The following RORA variants were observed in gnomAD, a reference collection of about 807,000 sequenced individuals.
RORA encodes the protein nuclear receptor ROR-alpha.
Under a neutral mutation model 69.5 loss-of-function variants are expected in RORA, and 7 were observed. The ratio of observed to expected loss-of-function variants is 0.10; its 90% CI spans 0.06 to 0.19. The LOEUF (loss-of-function observed/expected upper bound fraction) is 0.19. Ranked by LOEUF, RORA falls within the 10% of genes least tolerant of loss-of-function variation. The pLI, the probability that RORA is intolerant of heterozygous loss-of-function variation, is 1.00. For missense variants in RORA, 457 were observed against 663.0 expected (o/e 0.69, Z 3.41); for synonymous variants, 261 against 240.8 (o/e 1.08, Z -0.78).
chr15:61,074,979 C>A (rs925380622), intron 1 of RORA, among the ~76,000 whole-genome samples: 1 of 151,132 alleles, frequency 6.6e-6, no homozygotes, highest in Non-Finnish European at 1.5e-5. Context: ...ACCAGCTACT[C>A]GGGAGGCTGA....
At chr15:60,793,973 G>C (rs1033841799) in intron 1 of RORA, among the ~76,000 whole-genome samples, 1 of 152,190 alleles carries the variant, frequency 6.6e-6, no homozygotes, top group Non-Finnish European at 1.5e-5. Flanking sequence ...TCTAGAACGG[G>C]TTCTTTGAGG....
At chr15:60,819,000 C>A (rs565813356) in intron 1 of RORA, among the ~76,000 whole-genome samples, 9 of 152,184 alleles carry the variant, frequency 5.9e-5, no homozygotes, top group African/African-American at 9.7e-5. Flanking sequence ...TTAAAGCCTC[C>A]CTGACGATAA....
intron 1 of RORA, among the ~76,000 whole-genome samples, chr15:61,054,307 T>C (rs1481103544): frequency 1.5e-5 from 2 of 129,782 alleles, no homozygotes; most frequent in African/African-American, 2.6e-5. Flanking sequence ...AAAAGAACTT[T>C]CATTTTCTGA....
At chr15:60,592,382 C>T in intron 2 of RORA, 1 of 1,428,108 alleles carries the variant, frequency 7.0e-7, no homozygotes, top group Non-Finnish European at 9.2e-7. Context: ...GGCGCCCGGG[C>T]TCACCTTTCA....
chr15:60,817,732 G>A (rs2072837306), intron 1 of RORA, among the ~76,000 whole-genome samples: 2 of 152,138 alleles, frequency 1.3e-5, no homozygotes, highest in African/African-American at 4.8e-5. Flanking sequence ...CCCCTCTAGG[G>A]TGCACCCAAA....
chr15:60,786,213 T>C (rs748715272), intron 1 of RORA, among the ~76,000 whole-genome samples: 3 of 152,200 alleles, frequency 2.0e-5, no homozygotes, highest in Non-Finnish European at 4.4e-5. Context: ...GGATAGGATG[T>C]TCTACCTTGG....
At chr15:61,168,215 TGC>T (rs1491297948) in intron 1 of RORA, among the ~76,000 whole-genome samples, 6,772 of 143,448 alleles carry the variant, frequency 0.047, 306 homozygotes, top group African/African-American at 0.13. Flanking sequence ...CGTGCGTGCG[TGC>T]GTGTGTGTGT....
At chr15:60,639,225 T>TTA (rs1174182305) in intron 2 of RORA, among the ~76,000 whole-genome samples, 2 of 48,572 alleles carry the variant, frequency 4.1e-5, no homozygotes, top group African/African-American at 1.2e-4. Flanking sequence ...TTGTATTTTT[T>TTA]TTTTTTTTTT....
intron 1 of RORA, among the ~76,000 whole-genome samples, chr15:61,035,403 G>A (rs1043081958): frequency 8.0e-4 from 122 of 151,816 alleles, no homozygotes; most frequent in African/African-American, 2.9e-3. Context: ...TTAATCTAAC[G>A]ACAATAAAGA....
intron 1 of RORA, among the ~76,000 whole-genome samples, chr15:60,878,593 G>A (rs987793244): frequency 6.6e-6 from 1 of 152,178 alleles, no homozygotes; most frequent in African/African-American, 2.4e-5. Flanking sequence ...CATCCTCGGA[G>A]GTCACTCCTG....
intron 1 of RORA, among the ~76,000 whole-genome samples, chr15:60,851,318 C>A (rs539879873): frequency 6.6e-6 from 1 of 152,308 alleles, no homozygotes; most frequent in South Asian, 2.1e-4. Flanking sequence ...ATGTGTGGAT[C>A]CTGCCACCTT....
chr15:60,974,169 C>A (rs985743142), intron 1 of RORA, among the ~76,000 whole-genome samples: 14 of 152,182 alleles, frequency 9.2e-5, no homozygotes, highest in Non-Finnish European at 2.9e-5. Context: ...CCCCGTGGAA[C>A]CCACGTCAAG....
At chr15:60,830,588 G>A (rs1314039335) in intron 1 of RORA, among the ~76,000 whole-genome samples, 2 of 152,166 alleles carry the variant, frequency 1.3e-5, no homozygotes, top group African/African-American at 4.8e-5. Flanking sequence ...TTCTGTAACT[G>A]TCTTAGTGGC....
intron 1 of RORA, among the ~76,000 whole-genome samples, chr15:60,952,633 C>T (rs954326888): frequency 6.6e-5 from 10 of 152,166 alleles, no homozygotes; most frequent in African/African-American, 2.4e-4. Flanking sequence ...CAGAAGCATT[C>T]CTATACACCA....
chr15:60,935,378 C>T (rs997209050), intron 1 of RORA, among the ~76,000 whole-genome samples: 1 of 152,242 alleles, frequency 6.6e-6, no homozygotes, highest in Admixed American at 6.5e-5. Flanking sequence ...TGATCCCACA[C>T]AAGCTGAGGA....
At chr15:61,159,544 T>C (rs1269351560) in intron 1 of RORA, among the ~76,000 whole-genome samples, 1 of 152,200 alleles carries the variant, frequency 6.6e-6, no homozygotes, top group Non-Finnish European at 1.5e-5. Flanking sequence ...GCTGATCTTT[T>C]TTTATAACTA....
chr15:60,677,580 C>CTTTTTTTTTTTTTTTT (rs71122869), intron 2 of RORA, among the ~76,000 whole-genome samples: 1 of 139,546 alleles, frequency 7.2e-6, no homozygotes. Context: ...TTGGTTTTTT[C>CTTTTTTTTTTTTTTTT]TTTTTTTTTT....
intron 1 of RORA, among the ~76,000 whole-genome samples, chr15:61,223,693 C>A (rs1473528835): frequency 1.3e-5 from 2 of 152,168 alleles, no homozygotes; most frequent in African/African-American, 2.4e-5. Flanking sequence ...CAATTACATT[C>A]TCAGTGTTCT....
intron 1 of RORA, among the ~76,000 whole-genome samples, chr15:60,959,103 A>G (rs891544966): frequency 5.3e-5 from 8 of 152,222 alleles, no homozygotes; most frequent in Non-Finnish European, 1.0e-4. Context: ...TGGAAACTTC[A>G]AAAGCTAGAA....
Sources: allele counts gnomAD v4.1 joint callset (sites outside exome capture counted in the v4.1 genomes callset), GRCh38; gene constraint gnomAD v4.1.1; transcripts MANE v1.5; gene names NCBI Gene and HGNC (gene_info 2026-07-23, HGNC 2026-07-21).